Variants in HMGN3 observed in about 807,000 individuals in gnomAD.
HMGN3 encodes high mobility group nucleosome-binding domain-containing protein 3.
Under a neutral mutation model 18.8 loss-of-function variants are expected in HMGN3, and 6 were observed. That is an observed-to-expected ratio of 0.32 (90% CI 0.18 to 0.63). The LOEUF (loss-of-function observed/expected upper bound fraction) is 0.63. Among genes scored for constraint, HMGN3 ranks in the 30% least tolerant of loss-of-function variants. HMGN3 has a pLI of 0.79. For missense variants in HMGN3, 107 were observed against 114.2 expected (o/e 0.94, Z 0.29); for synonymous variants, 40 against 36.5 (o/e 1.10, Z -0.35).
intron 3 of HMGN3, among the ~76,000 whole-genome samples, chr6:79,204,907 A>G (rs1776340202): frequency 6.6e-6 from 1 of 152,154 alleles, no homozygotes; most frequent in Admixed American, 6.5e-5. Flanking sequence ...TTGTCATCCT[A>G]AGCTTTGATA....
Position 79,220,839 on chromosome 6 carries a change from C to A in HMGN3, c.16-5817G>T, listed in dbSNP as rs147895746. On this transcript the variant is annotated intron_variant, in intron 1 of 5. Transcript: ENST00000344726. ...TATAAAAGCAAGAACTGGAAGAATA[C>A]ACAACAAATTCGTGATGATGGTTAT... 3.5e-3 allele frequency among the ~76,000 whole-genome samples: 539 copies of A among 152,116 alleles called. 5 individuals are homozygous for A. Among genetic ancestry groups the A allele is most frequent in the African/African-American group, 0.012 (498 of 41,498 alleles).
chr6:79,206,150 G>A (rs1776411592), intron 3 of HMGN3, among the ~76,000 whole-genome samples: 2 of 152,276 alleles, frequency 1.3e-5, no homozygotes, highest in South Asian at 2.1e-4. Flanking sequence ...CTGGCAATGC[G>A]AAAGAAAAGA....
chr6:79,228,332 A>G (rs970558731), intron 1 of HMGN3, among the ~76,000 whole-genome samples: 8 of 152,240 alleles, frequency 5.3e-5, no homozygotes, highest in Non-Finnish European at 1.0e-4. Context: ...GTGATGCCCA[A>G]TGAATGTTTA....
At chr6:79,202,211 T>C (rs770690416) in intron 5 of HMGN3, 56 bp from the exon 6 acceptor site, 1 of 1,612,150 alleles carries the variant, frequency 6.2e-7, no homozygotes, top group Admixed American at 1.7e-5. Context: ...TATCACCGGC[T>C]GAAGGATTGA....
chr6:79,233,931 G>T, intron 1 of HMGN3: 1 of 152,640 alleles, frequency 6.6e-6, no homozygotes, highest in Non-Finnish European at 1.5e-5. Context: ...ACTGCGGGTA[G>T]GTCCAGGCCG....
At chr6:79,208,572 G>A in exon 3 of HMGN3, 2 of 1,610,394 alleles carry the variant, frequency 1.2e-6, no homozygotes, top group Non-Finnish European at 1.7e-6. Context: ...AGACCGTCTT[G>A]TGGGCTACAA....
At chr6:79,201,826 T>C in intron 5 of HMGN3, 100 bp from the exon 7 acceptor site, 1 of 1,505,996 alleles carries the variant, frequency 6.6e-7, no homozygotes, top group African/African-American at 1.4e-5. Flanking sequence ...GAACATTTGT[T>C]TTCTTTTTTT....
intron 1 of HMGN3, 37 bp downstream of exon 1, chr6:79,234,509 T>C (rs1363573718): frequency 1.9e-6 from 3 of 1,604,350 alleles, no homozygotes; most frequent in African/African-American, 1.3e-5. Context: ...TAAGCAGAAT[T>C]TGAAGGCTTT....
intron 1 of HMGN3, among the ~76,000 whole-genome samples, chr6:79,218,882 A>G (rs1777128982): frequency 6.6e-6 from 1 of 152,222 alleles, no homozygotes; most frequent in Admixed American, 6.5e-5. Context: ...CAAAACACGG[A>G]TAAACTCTAG....
At chr6:79,230,372 ATACTT>A (rs1777782163) in intron 1 of HMGN3, among the ~76,000 whole-genome samples, 1 of 152,168 alleles carries the variant, frequency 6.6e-6, no homozygotes, top group African/African-American at 2.4e-5. Context: ...GCGCAACTCT[ATACTT>A]TACTAAAAAT....
intron 1 of HMGN3, among the ~76,000 whole-genome samples, chr6:79,220,450 C>CT (rs1682050386): frequency 6.6e-6 from 1 of 152,052 alleles, no homozygotes; most frequent in African/African-American, 2.4e-5. Context: ...TACAAATTGC[C>CT]TTTTTTGTTT....
intron 1 of HMGN3, 121 bp downstream of exon 1, chr6:79,234,425 G>T: frequency 1.1e-6 from 1 of 882,850 alleles, no homozygotes; most frequent in Non-Finnish European, 1.9e-6. Context: ...AAGCGTGGAG[G>T]AGCAAAGATT....
At chr6:79,228,905 AC>A (rs1403772402) in intron 1 of HMGN3, among the ~76,000 whole-genome samples, 1 of 152,346 alleles carries the variant, frequency 6.6e-6, no homozygotes, top group East Asian at 1.9e-4. Flanking sequence ...CGACATACAG[AC>A]CATAAAACAT....
chr6:79,210,785 T>G (rs1776646891), intron 2 of HMGN3, among the ~76,000 whole-genome samples: 1 of 152,044 alleles, frequency 6.6e-6, no homozygotes, highest in Non-Finnish European at 1.5e-5. Flanking sequence ...CAAAATCATG[T>G]GAAAAGTTCC....
chr6:79,215,532 T>G (rs1475563166), intron 1 of HMGN3, among the ~76,000 whole-genome samples: 2 of 152,206 alleles, frequency 1.3e-5, no homozygotes, highest in East Asian at 3.8e-4. Context: ...TATCATAGAT[T>G]ACCATTTTTC....
At chr6:79,223,523 A>AACAC (rs1777410036) in intron 1 of HMGN3, among the ~76,000 whole-genome samples, 1 of 151,714 alleles carries the variant, frequency 6.6e-6, no homozygotes, top group Non-Finnish European at 1.5e-5. Context: ...CAAACAAACA[A>AACAC]ACACACACAC....
At chr6:79,207,889 C>G (rs1004102511) in intron 3 of HMGN3, among the ~76,000 whole-genome samples, 5 of 152,078 alleles carry the variant, frequency 3.3e-5, no homozygotes, top group Non-Finnish European at 5.9e-5. Flanking sequence ...GAATTTTAAC[C>G]AAAATCCTCC....
chr6:79,205,249 A>G (rs934001246), intron 3 of HMGN3, among the ~76,000 whole-genome samples: 2 of 152,190 alleles, frequency 1.3e-5, no homozygotes, highest in Non-Finnish European at 2.9e-5. Context: ...AAGTCCTCCT[A>G]GTGACTGACA....
intron 1 of HMGN3, among the ~76,000 whole-genome samples, chr6:79,226,439 G>A (rs1349945335): frequency 2.0e-5 from 3 of 152,148 alleles, no homozygotes; most frequent in Admixed American, 2.0e-4. Flanking sequence ...AAAACAGTCT[G>A]ACTCATAGAA....
Sources: gnomAD v4.1 joint callset for allele counts (sites outside exome capture counted in the v4.1 genomes callset) on GRCh38, gnomAD v4.1.1 for gene constraint, MANE v1.5 for transcripts, NCBI Gene and HGNC (gene_info 2026-07-23, HGNC 2026-07-21) for gene names.